The following NUAK1 variants were observed in gnomAD, a reference collection of about 807,000 sequenced individuals.
NUAK1 encodes the protein NUAK family kinase 1.
NUAK1 carries 26 observed loss-of-function variants against 56.9 expected under a neutral mutation model. The ratio of observed to expected loss-of-function variants is 0.46; its 90% CI spans 0.33 to 0.63. The LOEUF (loss-of-function observed/expected upper bound fraction) is 0.63. NUAK1 is among the 30% of genes least tolerant of loss of function. NUAK1 has a pLI of 0.02. For synonymous variants in NUAK1, 337 were observed against 336.0 expected (o/e 1.00, Z -0.03); for missense variants, 727 against 876.1 (o/e 0.83, Z 2.15).
intron 1 of NUAK1, among the ~76,000 whole-genome samples, chr12:106,116,738 G>C (rs2032920852): frequency 6.6e-6 from 1 of 152,198 alleles, no homozygotes; most frequent in African/African-American, 2.4e-5. Flanking sequence ...CTCTGGACAT[G>C]AAGGCCCCAT....
At chr12:106,135,821 C>T (rs1233057861) in intron 1 of NUAK1, among the ~76,000 whole-genome samples, 1 of 152,204 alleles carries the variant, frequency 6.6e-6, no homozygotes, top group Non-Finnish European at 1.5e-5. Flanking sequence ...GAAGAAAACT[C>T]CAAGTTCATA....
At chr12:106,081,552 C>T (rs2032518346) in intron 4 of NUAK1, among the ~76,000 whole-genome samples, 1 of 152,154 alleles carries the variant, frequency 6.6e-6, no homozygotes, top group African/African-American at 2.4e-5. Context: ...CACAGGCACC[C>T]TAGGTTGAAG....
chr12:106,093,152 CT>C (rs1464872705), intron 2 of NUAK1, among the ~76,000 whole-genome samples: 5 of 152,148 alleles, frequency 3.3e-5, no homozygotes, highest in Non-Finnish European at 7.3e-5. Flanking sequence ...CAGAAGGGGC[CT>C]GAAAAGATTT....
intron 1 of NUAK1, among the ~76,000 whole-genome samples, chr12:106,122,550 A>T (rs1014856428): frequency 1.3e-5 from 2 of 152,184 alleles, no homozygotes; most frequent in African/African-American, 4.8e-5. Context: ...CCATGATTGG[A>T]TAACAAGAAA....
Position 106,072,720 on chromosome 12 carries a change from T to C in NUAK1, c.699+4A>G, listed in dbSNP as rs370772743. The C allele has an allele frequency of 3.7e-6, 6 of 1,613,220 alleles. No homozygotes were observed. The African/African-American group carries it at 8.0e-5, about 22-fold the overall frequency. On this transcript the variant is annotated splice_donor_region_variant and intron_variant, in intron 5 of 6. Coordinates refer to ENST00000261402, the MANE Select transcript of NUAK1 (RefSeq NM_014840.3). Reference sequence around the variant, plus strand: ...GCCCCATACACATTGGGAAAGCTGCTCACCTCTGGCCCTCGGTAAGGTCTC... The same window carrying C: ...GCCCCATACACATTGGGAAAGCTGCCCACCTCTGGCCCTCGGTAAGGTCTC...
intron 1 of NUAK1, among the ~76,000 whole-genome samples, chr12:106,127,213 G>A (rs2033032327): frequency 1.3e-5 from 2 of 152,160 alleles, no homozygotes. Flanking sequence ...TGCCCAGGCT[G>A]GAGTGCAGTG....
intron 1 of NUAK1, among the ~76,000 whole-genome samples, chr12:106,137,185 T>C (rs1430006498): frequency 6.6e-6 from 1 of 152,218 alleles, no homozygotes; most frequent in Non-Finnish European, 1.5e-5. Context: ...TGAACTTTGC[T>C]GACTGGCACC....
intron 2 of NUAK1, among the ~76,000 whole-genome samples, chr12:106,093,054 G>C (rs1282904937): frequency 6.6e-6 from 1 of 152,186 alleles, no homozygotes; most frequent in Admixed American, 6.5e-5. Flanking sequence ...AGTTGGAAAT[G>C]ACCAGTACTT....
chr12:106,117,668 G>C (rs1239314471), intron 1 of NUAK1, among the ~76,000 whole-genome samples: 3 of 152,216 alleles, frequency 2.0e-5, no homozygotes, highest in African/African-American at 7.2e-5. Flanking sequence ...TCAGGGGAGG[G>C]ATTCAGTAAG....
At chr12:106,082,370 G>A (rs373074314) in intron 4 of NUAK1, among the ~76,000 whole-genome samples, 5 of 152,184 alleles carry the variant, frequency 3.3e-5, no homozygotes, top group African/African-American at 1.2e-4. Flanking sequence ...ATTTGGACAC[G>A]AGTGCTTAGC....
At chr12:106,120,733 C>T (rs1254134622) in intron 1 of NUAK1, among the ~76,000 whole-genome samples, 1 of 152,216 alleles carries the variant, frequency 6.6e-6, no homozygotes, top group Admixed American at 6.5e-5. Flanking sequence ...TGCTGATTTA[C>T]AGGCAGCCTA....
chr12:106,094,903 G>A (rs1019642983), intron 2 of NUAK1, among the ~76,000 whole-genome samples: 7 of 152,188 alleles, frequency 4.6e-5, no homozygotes, highest in African/African-American at 1.7e-4. Context: ...AGGATAGAGA[G>A]AGAAGTTGTG....
At chr12:106,127,577 C>T (rs1332250267) in intron 1 of NUAK1, among the ~76,000 whole-genome samples, 1 of 152,162 alleles carries the variant, frequency 6.6e-6, no homozygotes, top group African/African-American at 2.4e-5. Context: ...CCCACAGAAC[C>T]AGAGAGCAGG....
chr12:106,131,037 G>T (rs2033072702), intron 1 of NUAK1, among the ~76,000 whole-genome samples: 1 of 152,178 alleles, frequency 6.6e-6, no homozygotes, highest in Non-Finnish European at 1.5e-5. Context: ...GTTGACCATG[G>T]TTGGCAGGAG....
intron 1 of NUAK1, among the ~76,000 whole-genome samples, chr12:106,107,213 C>T (rs1182970753): frequency 3.3e-5 from 5 of 152,128 alleles, no homozygotes; most frequent in Non-Finnish European, 7.3e-5. Context: ...AAGCTCAGTG[C>T]CAATGTTGCA....
chr12:106,081,595 T>A (rs374042213), intron 4 of NUAK1, among the ~76,000 whole-genome samples: 1 of 152,246 alleles, frequency 6.6e-6, no homozygotes, highest in African/African-American at 2.4e-5. Flanking sequence ...AGGCCCAACA[T>A]CATTGCCCTT....
At chr12:106,104,011 A>G (rs1037862996) in intron 2 of NUAK1, 12 of 151,720 alleles carry the variant, frequency 7.9e-5, no homozygotes, top group African/African-American at 2.9e-4. Flanking sequence ...TTATAGCAGC[A>G]TGAGAACAAA....
At chr12:106,132,585 C>A (rs938386628) in intron 1 of NUAK1, among the ~76,000 whole-genome samples, 1 of 152,184 alleles carries the variant, frequency 6.6e-6, no homozygotes, top group African/African-American at 2.4e-5. Flanking sequence ...CCCCTCAAAG[C>A]CCCCTAGGGA....
At chr12:106,136,759 T>G (rs1255283884) in intron 1 of NUAK1, among the ~76,000 whole-genome samples, 1 of 152,228 alleles carries the variant, frequency 6.6e-6, no homozygotes, top group Non-Finnish European at 1.5e-5. Context: ...TCAGCAGCTA[T>G]TAAGACAACA....
Sources: allele counts gnomAD v4.1 joint callset (sites outside exome capture counted in the v4.1 genomes callset), GRCh38; gene constraint gnomAD v4.1.1; transcripts MANE v1.5; gene names NCBI Gene and HGNC (gene_info 2026-07-23, HGNC 2026-07-21).